PNKP: variants seen among roughly 807,000 people sequenced by gnomAD.
PNKP encodes bifunctional polynucleotide phosphatase/kinase.
In PNKP, 82 loss-of-function variants were observed where a neutral mutation model predicts 66.2. That is an observed-to-expected ratio of 1.24 (90% CI 1.04 to 1.49). The LOEUF (loss-of-function observed/expected upper bound fraction) is 1.49, where lower values mean the gene tolerates loss of function less well. Ranked by LOEUF, PNKP falls within the 40% of genes most tolerant of loss-of-function variation. The pLI is 0.00. For missense variants in PNKP, 907 were observed against 706.8 expected, an observed-to-expected ratio of 1.28 and a Z score of -3.21; for synonymous variants, 412 against 298.9, an observed-to-expected ratio of 1.38 and a Z score of -3.90.
chr19:49,861,485 TGA>T lies in PNKP; in HGVS notation c.1410_1411del (p.His471TyrfsTer22), dbSNP rs1568658222. On this transcript the variant is annotated frameshift_variant, in exon 16 of 17. Coordinates refer to ENST00000322344, the MANE Select transcript of PNKP (RefSeq NM_007254.4). LOFTEE classifies it low-confidence loss of function (END_TRUNC). The stretch of plus-strand genomic sequence containing the variant: ...CATGACCATGTCTGACACGGGGATA[TGA>T]GAGGAGTCCGTCATCTCTCGAAACT... 2.5e-6 allele frequency: 4 copies of T among 1,608,048 alleles called. No individual in the cohort carries two copies. Among genetic ancestry groups the T allele is most frequent in the East Asian group, 2.2e-5 (1 of 44,674 alleles).
At chr19:49,861,919 CA>C (rs770469920) in intron 13 of PNKP, 38 bp from the exon 14 acceptor site, 13 of 1,583,298 alleles carry the variant, frequency 8.2e-6, no homozygotes, top group Non-Finnish European at 1.1e-5. Context: ...TCGGCAGACC[CA>C]GGGGGAGAGA....
rs1568658756 is a variant in PNKP, at chr19:49,861,691, C to A, written c.1303G>T (p.Val435Phe). ...ACGCCCGCGGCTCGGGCACACTGGA[C>A]GTACCTGTGGGGGAAGGAGCTGGAT... ...NPDAASRARY[V>F]QCARAAGVPC... Residue 435 changes from valine (V) to phenylalanine (F), a missense_variant, in exon 15 of 17, where the codon GTC becomes TTC. By Grantham distance (50) the Val-to-Phe change is conservative. Coordinates refer to ENST00000322344, the MANE Select transcript of PNKP (RefSeq NM_007254.4). The A allele has an allele frequency of 1.3e-6, 2 of 1,547,572 alleles. No individual in the cohort carries two copies. The highest frequency in any genetic ancestry group is 8.7e-7 in the Non-Finnish European group (1 of 1,146,250).
At chr19:49,863,797 C>G (rs774146240) in intron 7 of PNKP, 37 bp from the exon 8 acceptor site, 31 of 1,531,670 alleles carry the variant, frequency 2.0e-5, no homozygotes, top group Non-Finnish European at 2.7e-5. Context: ...TTAGCTCCCC[C>G]TCAAGCACCT....
At chr19:49,866,340 G>A in intron 3 of PNKP, 59 bp downstream of exon 3, 1 of 1,494,308 alleles carries the variant, frequency 6.7e-7, no homozygotes, top group African/African-American at 1.4e-5. Flanking sequence ...CTGACGGCTT[G>A]CAATTCCTCC....
At position 49,865,189 on chromosome 19, in the gene PNKP, C is replaced by T; in HGVS notation, c.436G>A (p.Gly146Ser). 1.9e-6 allele frequency: 3 copies of T among 1,614,242 alleles called. No individual in the cohort carries two copies. Among genetic ancestry groups the T allele is most frequent in the Non-Finnish European group, 2.5e-6 (3 of 1,180,040 alleles). ...PKKRMRKSNP[G>S]WENLEKLLVF... ...AGCAACTTCTCCAAGTTCTCCCAGCCGGGGTTTGACTTCCGCATACGCTTC... is the reference window on the plus strand; with the variant it reads ...AGCAACTTCTCCAAGTTCTCCCAGCTGGGGTTTGACTTCCGCATACGCTTC... Residue 146 changes from glycine to serine, a missense_variant, in exon 4 of 17, where the codon GGC becomes AGC. Transcript: ENST00000322344.
At position 49,867,115 on chromosome 19, in the gene PNKP, G is replaced by A; in HGVS notation, c.90C>T (p.Ala30=). The part of the protein sequence containing the change: ...PPIFLPSDGQ[A]LVLGRGPLTQ... ...TCAGGGGTCCCCTGCCCAGGACCAG[G>A]GCTTGCCCGTCCGAGGGCAGGAAGA... Residue 30 remains alanine (A), a synonymous_variant, in exon 2 of 17, where the codon GCC becomes GCT. Coordinates refer to ENST00000322344, the MANE Select transcript of PNKP (RefSeq NM_007254.4). The A allele has an allele frequency of 6.2e-7, 1 of 1,613,512 alleles. No individual in the cohort carries two copies. The highest frequency in any genetic ancestry group is 8.5e-7 in the Non-Finnish European group (1 of 1,179,942).
Position 49,862,527 on chromosome 19 carries a change from AG to A in PNKP, c.936+10del, listed in dbSNP as rs1028122181. The A allele has an allele frequency of 1.9e-6, 3 of 1,606,994 alleles. No homozygotes were observed. In the African/African-American group the frequency reaches 4.0e-5, roughly 21 times the overall value. On this transcript the variant is annotated intron_variant, in intron 10 of 16. Transcript: ENST00000322344. ...CGGGCTCGGGCGCGGGGCAGGGGGCAGGGGCCTCACCAGGCGATCGGCGCAG... is the reference window on the plus strand; with the variant it reads ...CGGGCTCGGGCGCGGGGCAGGGGGCAGGGCCTCACCAGGCGATCGGCGCAG...
At chr19:49,865,540 C>A in intron 3 of PNKP, 114 bp from the exon 4 acceptor site, 1 of 688,792 alleles carries the variant, frequency 1.5e-6, no homozygotes, top group East Asian at 2.7e-5. Flanking sequence ...ACCCTTAGGC[C>A]CCACCTCTTC....
At chr19:49,863,258 T>C (rs1027101476) in intron 8 of PNKP, among the ~76,000 whole-genome samples, 2 of 152,176 alleles carry the variant, frequency 1.3e-5, no homozygotes, top group African/African-American at 4.8e-5. Context: ...CCTTTTCCTC[T>C]GATGTCACCT....
intron 11 of PNKP, 39 bp from the exon 12 acceptor site, chr19:49,862,320 A>C: frequency 1.3e-6 from 2 of 1,536,156 alleles, no homozygotes; most frequent in Non-Finnish European, 1.8e-6. Flanking sequence ...TGCCGTCCCC[A>C]TCCCCGGGAG....
In PNKP at chr19:49,861,891, C is replaced by G. The variant is rs1458942967; in HGVS notation, c.1189-10G>C. 5.7e-6 allele frequency: 9 copies of G among 1,571,244 alleles called. No homozygotes were observed. Among genetic ancestry groups the G allele is most frequent in the Middle Eastern group, 1.7e-4 (1 of 6,014 alleles). On this transcript the variant is annotated splice_polypyrimidine_tract_variant and intron_variant, in intron 13 of 16. Transcript: ENST00000322344. ...AGGAGCCTAGCGTGTCCTGGGGACA[C>G]GAGAGGTCACAAACAGATCGGCAGA...
rs1600415573 is a variant in PNKP, at chr19:49,861,723, G to A, written c.1299-28C>T. 3.9e-6 allele frequency: 6 copies of A among 1,548,380 alleles called. No homozygotes were observed. In the East Asian group the frequency reaches 1.5e-4, roughly 38 times the overall value. On this transcript the variant is annotated intron_variant, in intron 14 of 16. Transcript: ENST00000322344. The stretch of plus-strand genomic sequence containing the variant: ...GTGGGGGAAGGAGCTGGATGTGCAG[G>A]CCCCGCCCACCCCGCCGCAGGCCAC...
Position 49,861,214 on chromosome 19 carries a change from A to C in PNKP, c.*34T>G. On this transcript the variant is annotated 3_prime_UTR_variant, in exon 17 of 17. Transcript: ENST00000322344. Reference sequence around the variant, plus strand: ...AAATGCCGGCCAAGCTCAAGGAGAAACAGCGTTTATTGTGGAGGGGAGCTG... The same window carrying C: ...AAATGCCGGCCAAGCTCAAGGAGAACCAGCGTTTATTGTGGAGGGGAGCTG... The C allele has an allele frequency of 7.0e-7, 1 of 1,423,082 alleles. No individual in the cohort carries two copies. Among genetic ancestry groups the C allele is most frequent in the South Asian group, 1.1e-5 (1 of 87,286 alleles). 88.2% of individuals were successfully genotyped at this position (1,423,082 alleles called of 1,614,324 possible).
At chr19:49,866,100 C>T in intron 3 of PNKP, 1 of 453,008 alleles carries the variant, frequency 2.2e-6, no homozygotes, top group Admixed American at 3.3e-5. Context: ...ACACCCTTGA[C>T]CTACTGGGCT....
chr19:49,863,898 A>C (rs1294882794), intron 7 of PNKP, 66 bp downstream of exon 7: 1 of 1,424,236 alleles, frequency 7.0e-7, no homozygotes, highest in African/African-American at 1.4e-5. Context: ...CTTACCCTGG[A>C]GTCTAAAGCC....
Position 49,861,823 on chromosome 19 carries a change from C to T in PNKP, c.1247G>A (p.Gly416Glu), listed in dbSNP as rs1198936842. The T allele has an allele frequency of 6.3e-6, 10 of 1,589,844 alleles. No individual in the cohort carries two copies. Among genetic ancestry groups the T allele is most frequent in the Non-Finnish European group, 8.5e-6 (10 of 1,171,150 alleles). ...VTTCETALKQGKRVAIDNTNP... is the reference protein window; with the variant it reads ...VTTCETALKQEKRVAIDNTNP... ...TGTGTTGTCGATGGCGACCCGTTTC[C>T]CTTGCTTCAGGGCTGTCTCACACGT... is the stretch of plus-strand genomic sequence containing the variant. The change falls in exon 14 of 17, where the codon GGG becomes GAG. Residue 416 changes from glycine to glutamate, a missense_variant. Transcript: ENST00000322344.
intron 7 of PNKP, 83 bp from the exon 8 acceptor site, chr19:49,863,843 T>C (rs934732924): frequency 1.4e-6 from 2 of 1,407,442 alleles, no homozygotes; most frequent in Admixed American, 3.9e-5. Flanking sequence ...TTGTAGCTGA[T>C]GATGGGTTCC....
intron 8 of PNKP, 69 bp from the exon 9 acceptor site, chr19:49,862,807 G>C (rs1481790491): frequency 2.6e-6 from 4 of 1,540,264 alleles, no homozygotes; most frequent in Non-Finnish European, 3.6e-6. Flanking sequence ...GGTCCCTGGG[G>C]CTGCTTCGCC....
intron 8 of PNKP, 143 bp from the exon 9 acceptor site, chr19:49,862,881 T>G: frequency 3.4e-6 from 3 of 871,800 alleles, no homozygotes; most frequent in Non-Finnish European, 5.6e-6. Flanking sequence ...CCAGCCACTT[T>G]GCACCGTGCT....
Sources: allele counts gnomAD v4.1 joint callset (sites outside exome capture counted in the v4.1 genomes callset), GRCh38; gene constraint gnomAD v4.1.1; transcripts MANE v1.5; gene names NCBI Gene and HGNC (gene_info 2026-07-23, HGNC 2026-07-21).